The following SAMHD1 variants were observed in gnomAD, a reference collection of about 807,000 sequenced individuals.
SAMHD1 encodes deoxynucleoside triphosphate triphosphohydrolase SAMHD1.
SAMHD1 carries 54 observed loss-of-function variants against 79.6 expected under a neutral mutation model. The ratio of observed to expected loss-of-function variants is 0.68; its 90% CI spans 0.55 to 0.85. The LOEUF (loss-of-function observed/expected upper bound fraction) is 0.85, where lower values mean the gene tolerates loss of function less well. Among genes scored for constraint, SAMHD1 ranks in the 40% least tolerant of loss-of-function variants. The pLI is 0.00. For missense variants in SAMHD1, 663 were observed against 782.7 expected (o/e 0.85, Z 1.82); for synonymous variants, 260 against 264.1 (o/e 0.98, Z 0.15).
At chr20:36,946,596 C>A in intron 2 of SAMHD1, 142 bp downstream of exon 2, 2 of 652,620 alleles carry the variant, frequency 3.1e-6, no homozygotes, top group Non-Finnish European at 5.5e-6. Flanking sequence ...CAAACAAAAC[C>A]AGCAGGCAAG....
chr20:36,895,762 T>C (rs1990185885), intron 15 of SAMHD1, among the ~76,000 whole-genome samples: 1 of 152,072 alleles, frequency 6.6e-6, no homozygotes, highest in African/African-American at 2.4e-5. Context: ...TTCAGTGATT[T>C]AGTTTCACAG....
Position 36,892,890 on chromosome 20 carries a change from T to C in SAMHD1, c.*42A>G. The C allele has an allele frequency of 6.2e-7, 1 of 1,612,448 alleles. No homozygotes were observed. The highest frequency in any genetic ancestry group is 1.1e-5 in the South Asian group (1 of 91,016). On this transcript the variant is annotated 3_prime_UTR_variant, in exon 16 of 16. Transcript: ENST00000646673. ...TCTATGATTGAAGCCTCTAAATGAA[T>C]TGTGCAGGAGAGGGAGTTTGTAAAC...
At chr20:36,945,602 C>T (rs2063680532) in intron 2 of SAMHD1, among the ~76,000 whole-genome samples, 1 of 152,146 alleles carries the variant, frequency 6.6e-6, no homozygotes, top group Admixed American at 6.5e-5. Context: ...GGAATAAGGC[C>T]ACACACGGTG....
In SAMHD1 at chr20:36,951,507, C is replaced by T; in HGVS notation, c.137G>A (p.Gly46Asp). The change falls in exon 1 of 16, where the codon GGT becomes GAT. Residue 46 changes from glycine (G) to aspartate (D), a missense_variant. Coordinates refer to ENST00000646673, the MANE Select transcript of SAMHD1 (RefSeq NM_015474.4). ...GAGGAAGGAGCACACCTGCTCCGGA[C>T]CCCATGTCTTGTAGTCGGGATGGAG... ...LELHPDYKTW[G>D]PEQVCSFLRR... The T allele has an allele frequency of 6.2e-7, 1 of 1,614,208 alleles. No individual in the cohort carries two copies.
rs747675634 is a variant in SAMHD1 at position 36,919,375 on chromosome 20, C to T, written c.841G>A (p.Glu281Lys). 12 of 1,613,510 alleles carry T rather than the reference C, an allele frequency of 7.4e-6. No individual in the cohort carries two copies. The highest frequency in any genetic ancestry group is 2.2e-5 in the South Asian group (2 of 91,054). Residue 281 changes from glutamate to lysine, a missense_variant, in exon 7 of 16, where the codon GAA (glutamate) becomes AAA (lysine). Glu to Lys is a moderately conservative substitution (Grantham distance 56, BLOSUM62 1). Coordinates refer to ENST00000646673, the MANE Select transcript of SAMHD1 (RefSeq NM_015474.4). ...QIVGPLESPV[E>K]DSLWPYKGRP... is the part of the protein sequence containing the mutation. ...GTACATAAACTTACCAATGAATCTT[C>T]GACAGGTGATTCAAGTGGTCCTACA...
intron 6 of SAMHD1, among the ~76,000 whole-genome samples, chr20:36,923,521 A>G (rs998621642): frequency 1.3e-5 from 2 of 152,222 alleles, no homozygotes; most frequent in Admixed American, 6.5e-5. Flanking sequence ...ATATACTAGC[A>G]AACAGAAAAA....
Position 36,930,789 on chromosome 20 carries a change from A to G in SAMHD1, c.596T>C (p.Val199Ala). The G allele has an allele frequency of 6.2e-7, 1 of 1,613,762 alleles. No homozygotes were observed. Among genetic ancestry groups the G allele is most frequent in the Non-Finnish European group, 8.5e-7 (1 of 1,179,714 alleles). ...LQISERDVLC[V>A]QIAGLCHDLG... ...ATCATGACAAAGTCCAGCAATCTGA[A>G]CACAGAGAACATCTCGTTCACTTAT... The change falls in exon 5 of 16, where the codon GTT (valine) becomes GCT (alanine). Residue 199 changes from valine (V) to alanine (A), a missense_variant. Transcript: ENST00000646673.
At chr20:36,937,110 C>T (rs561052670) in intron 3 of SAMHD1, among the ~76,000 whole-genome samples, 4 of 148,992 alleles carry the variant, frequency 2.7e-5, no homozygotes, top group Admixed American at 6.8e-5. Flanking sequence ...CACTGCACTC[C>T]AGCTTGGGCA....
At chr20:36,922,326 T>C (rs1378529663) in intron 6 of SAMHD1, among the ~76,000 whole-genome samples, 1 of 152,228 alleles carries the variant, frequency 6.6e-6, no homozygotes, top group Non-Finnish European at 1.5e-5. Context: ...ACTATGGTTA[T>C]ATAAGAAAAT....
intron 4 of SAMHD1, among the ~76,000 whole-genome samples, chr20:36,933,710 C>T (rs978910796): frequency 3.3e-5 from 5 of 151,928 alleles, no homozygotes; most frequent in African/African-American, 4.8e-5. Flanking sequence ...AGGCTGGTCT[C>T]GAACTCATGA....
intron 1 of SAMHD1, among the ~76,000 whole-genome samples, 174 bp downstream of exon 1, chr20:36,951,262 G>A (rs1423323981): frequency 1.3e-5 from 2 of 152,070 alleles, no homozygotes; most frequent in African/African-American, 4.8e-5. Context: ...TCCCTCCCCC[G>A]CCTCGGGTCT....
chr20:36,919,366 A>G lies in SAMHD1; in HGVS notation c.850T>C (p.Leu284=), dbSNP rs2063492470. ...AATTAAGCTGTACATAAACTTACCA[A>G]TGAATCTTCGACAGGTGATTCAAGT... ...GPLESPVEDS[L]WPYKGRPENK... The change falls in exon 7 of 16, where the codon TTG becomes CTG. Residue 284 remains leucine, a splice_region_variant and synonymous_variant. Transcript: ENST00000646673. The G allele has an allele frequency of 6.2e-7, 1 of 1,613,392 alleles. No individual in the cohort carries two copies. The highest frequency in any genetic ancestry group is 8.5e-7 in the Non-Finnish European group (1 of 1,179,532).
At chr20:36,900,436 G>A (rs1015694595) in intron 13 of SAMHD1, among the ~76,000 whole-genome samples, 1 of 151,916 alleles carries the variant, frequency 6.6e-6, no homozygotes, top group Non-Finnish European at 1.5e-5. Flanking sequence ...AGTAGAGACG[G>A]GGTTTCACCA....
intron 11 of SAMHD1, 92 bp from the exon 12 acceptor site, chr20:36,905,595 G>A: frequency 8.9e-7 from 1 of 1,122,068 alleles, no homozygotes; most frequent in Non-Finnish European, 1.3e-6. Context: ...ATCTTAACAG[G>A]CAGTTCGCAA....
Position 36,910,073 on chromosome 20 carries a change from A to G in SAMHD1, c.1270+1145T>C, listed in dbSNP as rs552068188. Among the ~76,000 whole-genome samples, 3 of 151,932 alleles carry G rather than the reference A, an allele frequency of 2.0e-5. No individual in the cohort carries two copies. The South Asian group carries it at 6.3e-4, about 32-fold the overall frequency. On this transcript the variant is annotated intron_variant, in intron 11 of 15. Coordinates refer to ENST00000646673, the MANE Select transcript of SAMHD1 (RefSeq NM_015474.4). ...CCCCATCTCTACTAAAAATACAAAA[A>G]TTAGCCAGGTGTGGTGGCGGGCGCC... is the stretch of plus-strand genomic sequence containing the variant.
intron 11 of SAMHD1, among the ~76,000 whole-genome samples, chr20:36,907,573 C>T (rs1180268063): frequency 6.8e-6 from 1 of 146,672 alleles, no homozygotes; most frequent in African/African-American, 2.5e-5. Flanking sequence ...ACAGACTCAC[C>T]CTGTTACCCA....
intron 1 of SAMHD1, among the ~76,000 whole-genome samples, chr20:36,947,859 T>C (rs1461765086): frequency 6.6e-6 from 1 of 152,024 alleles, no homozygotes; most frequent in Non-Finnish European, 1.5e-5. Context: ...TTTTGTAAAG[T>C]TGAGGTCTCC....
chr20:36,899,556 A>C (rs1990262880), intron 13 of SAMHD1, among the ~76,000 whole-genome samples: 1 of 152,252 alleles, frequency 6.6e-6, no homozygotes, highest in African/African-American at 2.4e-5. Context: ...ATGTTCTAAC[A>C]GGTTACCTGA....
chr20:36,935,250 G>A, intron 3 of SAMHD1, 61 bp from the exon 4 acceptor site: 1 of 1,366,348 alleles, frequency 7.3e-7, no homozygotes. Context: ...AAATTTGTGT[G>A]CAGCCATTCC....
Sources: gnomAD v4.1 joint callset for allele counts (sites outside exome capture counted in the v4.1 genomes callset) on GRCh38, gnomAD v4.1.1 for gene constraint, MANE v1.5 for transcripts, NCBI Gene and HGNC (gene_info 2026-07-23, HGNC 2026-07-21) for gene names.